The following LRP1B variants were observed in gnomAD, a reference collection of about 807,000 sequenced individuals.
LRP1B encodes the protein low-density lipoprotein receptor-related protein 1B.
In LRP1B, 217 loss-of-function variants were observed where a neutral mutation model predicts 556.6. The observed-to-expected ratio is 0.39, with a 90% confidence interval of 0.35 to 0.44. LRP1B has a LOEUF of 0.44. Among genes scored for constraint, LRP1B ranks in the 20% least tolerant of loss-of-function variants. LRP1B has a pLI of 1.00. For missense variants in LRP1B, 5,053 were observed against 5,620.8 expected (o/e 0.90, Z 3.23); for synonymous variants, 2,047 against 1,865.8 (o/e 1.10, Z -2.50).
intron 35 of LRP1B, among the ~76,000 whole-genome samples, chr2:140,754,042 T>G (rs1030904430): frequency 5.3e-5 from 8 of 152,170 alleles, no homozygotes; most frequent in Non-Finnish European, 7.3e-5. Context: ...TCCTGCCTAC[T>G]GCCAGAGTAC....
chr2:141,903,743 G>A (rs1249286427), intron 1 of LRP1B, among the ~76,000 whole-genome samples: 1 of 151,862 alleles, frequency 6.6e-6, no homozygotes, highest in Non-Finnish European at 1.5e-5. Flanking sequence ...TTACAGATTT[G>A]GGGTTGGGAG....
chr2:141,955,970 A>C (rs542752513), intron 1 of LRP1B, among the ~76,000 whole-genome samples: 1 of 152,178 alleles, frequency 6.6e-6, no homozygotes, highest in African/African-American at 2.4e-5. Flanking sequence ...TTGGGAGGCC[A>C]AGGCAAGAGG....
chr2:142,078,735 C>T (rs1185697486), intron 1 of LRP1B, among the ~76,000 whole-genome samples: 1 of 152,046 alleles, frequency 6.6e-6, no homozygotes, highest in Non-Finnish European at 1.5e-5. Context: ...CTTTAGGAAT[C>T]CACTGTTTTG....
In LRP1B at chr2:140,903,174, A is replaced by AG; in HGVS notation, c.3521-10dup. 1 of 1,611,918 alleles carries AG rather than the reference A, an allele frequency of 6.2e-7. No homozygotes were observed. On this transcript the variant is annotated splice_polypyrimidine_tract_variant and intron_variant, in intron 22 of 90. Coordinates refer to ENST00000389484, the MANE Select transcript of LRP1B (RefSeq NM_018557.3). ...GTTCAGCGAACACTCATCTATAAAA[A>AG]GGGGGGAACAGATTATAGGTCTTAT... is the stretch of plus-strand genomic sequence containing the variant.
intron 20 of LRP1B, among the ~76,000 whole-genome samples, chr2:140,926,059 T>TC (rs1694876174): frequency 4.5e-5 from 4 of 88,526 alleles, no homozygotes; most frequent in African/African-American, 1.2e-4. Flanking sequence ...AGATTTTCTT[T>TC]TTTTTTTTTT....
chr2:140,722,319 A>T (rs1455065823), intron 35 of LRP1B, among the ~76,000 whole-genome samples: 1 of 152,246 alleles, frequency 6.6e-6, no homozygotes, highest in African/African-American at 2.4e-5. Context: ...TAGAAGAGAC[A>T]TACACTATCA....
chr2:140,588,026 G>C, intron 43 of LRP1B, among the ~76,000 whole-genome samples: 1 of 152,120 alleles, frequency 6.6e-6, no homozygotes, highest in South Asian at 2.1e-4. Flanking sequence ...AACAGTCTCA[G>C]ATGAAAGGAA....
Position 140,400,393 on chromosome 2 carries a change from G to A in LRP1B, c.10415-14384C>T, listed in dbSNP as rs118076605. On this transcript the variant is annotated intron_variant, in intron 66 of 90. Transcript: ENST00000389484. The stretch of plus-strand genomic sequence containing the variant: ...AGAGTTTCCTGGTAGGATGAATCTC[G>A]TTCCTGTAGCAACATACCTGATAAT... Among the ~76,000 whole-genome samples the A allele has an allele frequency of 1.1e-4, 17 of 152,202 alleles. No individual in the cohort carries two copies. The East Asian group carries it at 1.5e-3, about 14-fold the overall frequency.
At chr2:140,319,065 G>A (rs576313575) in intron 82 of LRP1B, among the ~76,000 whole-genome samples, 1 of 152,166 alleles carries the variant, frequency 6.6e-6, no homozygotes, top group East Asian at 1.9e-4. Context: ...CTAATCTAAA[G>A]CTTCATCTCA....
intron 2 of LRP1B, among the ~76,000 whole-genome samples, chr2:141,798,477 G>C (rs1695894706): frequency 6.6e-6 from 1 of 152,040 alleles, no homozygotes; most frequent in South Asian, 2.1e-4. Flanking sequence ...GGGGGGCCGA[G>C]GCAGGTGGAT....
intron 1 of LRP1B, among the ~76,000 whole-genome samples, chr2:142,127,717 A>G (rs1197897651): frequency 6.6e-6 from 1 of 151,956 alleles, no homozygotes; most frequent in African/African-American, 2.4e-5. Context: ...TTTAATTGCC[A>G]TTGTTTGATG....
intron 1 of LRP1B, among the ~76,000 whole-genome samples, chr2:142,077,544 C>G (rs888686064): frequency 6.6e-6 from 1 of 151,944 alleles, no homozygotes; most frequent in African/African-American, 2.4e-5. Context: ...AAGAATAGAG[C>G]CTCCATTCAT....
intron 15 of LRP1B, 59 bp from the exon 16 acceptor site, chr2:140,994,194 A>G: frequency 6.8e-7 from 1 of 1,480,946 alleles, no homozygotes; most frequent in Non-Finnish European, 9.3e-7. Flanking sequence ...GTCCATTAAA[A>G]TTTAAATCTT....
At chr2:141,747,767 A>G (rs1375658666) in intron 2 of LRP1B, among the ~76,000 whole-genome samples, 5 of 152,230 alleles carry the variant, frequency 3.3e-5, no homozygotes, top group Non-Finnish European at 7.3e-5. Flanking sequence ...AATTTTCTAA[A>G]TTCTCCTTAA....
At chr2:141,744,118 G>A (rs950299112) in intron 2 of LRP1B, among the ~76,000 whole-genome samples, 1 of 151,700 alleles carries the variant, frequency 6.6e-6, no homozygotes, top group Non-Finnish European at 1.5e-5. Flanking sequence ...CCTGATTTAG[G>A]CACCATAGCC....
At chr2:141,894,773 G>A (rs1288054739) in intron 1 of LRP1B, among the ~76,000 whole-genome samples, 2 of 151,738 alleles carry the variant, frequency 1.3e-5, no homozygotes, top group East Asian at 1.9e-4. Context: ...ATTTATGCTG[G>A]GCACAGTGGC....
chr2:140,325,721 T>C (rs780560316), intron 80 of LRP1B, 41 bp downstream of exon 80: 1 of 1,312,984 alleles, frequency 7.6e-7, no homozygotes, highest in East Asian at 2.3e-5. Flanking sequence ...TTTAACACTC[T>C]CAGTAACAAT....
At chr2:140,324,533 A>G (rs1452812589) in intron 80 of LRP1B, among the ~76,000 whole-genome samples, 1 of 152,110 alleles carries the variant, frequency 6.6e-6, no homozygotes, top group Non-Finnish European at 1.5e-5. Flanking sequence ...ATCCAAAAAT[A>G]ATATTTGACA....
At chr2:141,475,485 G>T (rs1682664951) in intron 3 of LRP1B, among the ~76,000 whole-genome samples, 1 of 152,218 alleles carries the variant, frequency 6.6e-6, no homozygotes, top group Admixed American at 6.5e-5. Flanking sequence ...CAGGAGGGAG[G>T]GAAATCCTGG....
Sources: gnomAD v4.1 joint callset for allele counts (sites outside exome capture counted in the v4.1 genomes callset) on GRCh38, gnomAD v4.1.1 for gene constraint, MANE v1.5 for transcripts, NCBI Gene and HGNC (gene_info 2026-07-23, HGNC 2026-07-21) for gene names.